ZCCHC7: variants seen among roughly 807,000 people sequenced by gnomAD.
ZCCHC7 encodes zinc finger CCHC-type containing 7, also known as zinc finger CCHC domain-containing protein 7.
ZCCHC7 carries 35 observed loss-of-function variants against 52.0 expected under a neutral mutation model. The ratio of observed to expected loss-of-function variants is 0.67; its 90% CI spans 0.51 to 0.89. ZCCHC7 has a LOEUF of 0.89. Ranked by LOEUF, ZCCHC7 falls within the 40% of genes least tolerant of loss-of-function variation. The probability of loss-of-function intolerance (pLI) is 0.00; values close to 1 mark genes in which losing one functional copy is unlikely to be tolerated. For missense variants in ZCCHC7, 574 were observed against 649.1 expected (o/e 0.88, Z 1.26); for synonymous variants, 217 against 221.5 (o/e 0.98, Z 0.18).
chr9:37,177,591 G>C (rs1255912473), intron 2 of ZCCHC7, among the ~76,000 whole-genome samples: 2 of 152,128 alleles, frequency 1.3e-5, no homozygotes, highest in Admixed American at 6.5e-5. Flanking sequence ...GTTCAGAAAG[G>C]GGTAAATGCA....
At chr9:37,226,620 C>T (rs1474963003) in intron 2 of ZCCHC7, among the ~76,000 whole-genome samples, 1 of 152,072 alleles carries the variant, frequency 6.6e-6, no homozygotes, top group African/African-American at 2.4e-5. Context: ...GGTGCTGGAC[C>T]AGTCTATAGC....
intron 2 of ZCCHC7, among the ~76,000 whole-genome samples, chr9:37,148,625 T>C (rs1032532288): frequency 2.6e-5 from 4 of 151,982 alleles, no homozygotes; most frequent in Non-Finnish European, 4.4e-5. Flanking sequence ...AACTCATAGA[T>C]GAAAGACATT....
intron 2 of ZCCHC7, among the ~76,000 whole-genome samples, chr9:37,165,987 C>T (rs1381464869): frequency 2.6e-5 from 4 of 152,168 alleles, no homozygotes; most frequent in Non-Finnish European, 5.9e-5. Flanking sequence ...GCTAATCAGG[C>T]TATCAGTTTC....
At chr9:37,176,869 A>T (rs1822061620) in intron 2 of ZCCHC7, among the ~76,000 whole-genome samples, 1 of 152,176 alleles carries the variant, frequency 6.6e-6, no homozygotes, top group African/African-American at 2.4e-5. Flanking sequence ...TGTAAATGGG[A>T]AGACAGACCA....
At chr9:37,262,007 A>T (rs1269834716) in intron 2 of ZCCHC7, among the ~76,000 whole-genome samples, 2 of 152,180 alleles carry the variant, frequency 1.3e-5, no homozygotes, top group Non-Finnish European at 2.9e-5. Context: ...GGAAGAAATT[A>T]TGTCAGTCTA....
intron 2 of ZCCHC7, among the ~76,000 whole-genome samples, chr9:37,197,865 C>G (rs1823371656): frequency 1.3e-5 from 2 of 152,222 alleles, no homozygotes; most frequent in Admixed American, 6.5e-5. Context: ...ATTGTGGATA[C>G]TTTATCTACT....
At chr9:37,291,114 A>G (rs1377654784) in intron 2 of ZCCHC7, among the ~76,000 whole-genome samples, 1 of 152,220 alleles carries the variant, frequency 6.6e-6, no homozygotes, top group Non-Finnish European at 1.5e-5. Flanking sequence ...TTCATTGAAC[A>G]AGGCTGAGAA....
intron 2 of ZCCHC7, among the ~76,000 whole-genome samples, chr9:37,227,277 A>G (rs1166483537): frequency 6.6e-6 from 1 of 152,218 alleles, no homozygotes; most frequent in Non-Finnish European, 1.5e-5. Flanking sequence ...AATGAGATGA[A>G]CAATCCAAGT....
Position 37,340,416 on chromosome 9 carries a change from A to G in ZCCHC7, c.988-8941A>G, listed in dbSNP as rs562909736. ...ATTTAAATGTCTGCAACCAAAAAAA[A>G]AAAAAGAAATACAAAAGGCCTGCTT... is the stretch of plus-strand genomic sequence containing the variant. On this transcript the variant is annotated intron_variant, in intron 6 of 8. Transcript: ENST00000336755. Among the ~76,000 whole-genome samples the G allele has an allele frequency of 1.2e-4, 18 of 152,216 alleles. No homozygotes were observed. The South Asian group carries it at 3.3e-3, about 28-fold the overall frequency.
intron 1 of ZCCHC7, among the ~76,000 whole-genome samples, chr9:37,122,310 C>G (rs1356792940): frequency 6.6e-6 from 1 of 152,028 alleles, no homozygotes; most frequent in Non-Finnish European, 1.5e-5. Flanking sequence ...ATGGTAATAG[C>G]CTTTGCAGTT....
chr9:37,178,818 T>A (rs1822196663), intron 2 of ZCCHC7, among the ~76,000 whole-genome samples: 1 of 152,238 alleles, frequency 6.6e-6, no homozygotes. Flanking sequence ...AAATGTCAAC[T>A]TGCTAACTCT....
intron 7 of ZCCHC7, among the ~76,000 whole-genome samples, chr9:37,350,458 C>G (rs886859657): frequency 6.6e-5 from 10 of 152,176 alleles, no homozygotes; most frequent in Admixed American, 4.6e-4. Flanking sequence ...ACTTAGTTCT[C>G]CCGTTTTCCC....
At chr9:37,165,974 A>G (rs376037048) in intron 2 of ZCCHC7, among the ~76,000 whole-genome samples, 3 of 152,358 alleles carry the variant, frequency 2.0e-5, no homozygotes, top group Admixed American at 6.5e-5. Context: ...TTAAATAGAC[A>G]TAGCTAATCA....
At position 37,281,490 on chromosome 9, in the gene ZCCHC7, A is replaced by C. The variant is rs78054765; in HGVS notation, c.611-20698A>C. On this transcript the variant is annotated intron_variant, in intron 2 of 8. Coordinates refer to ENST00000336755, the MANE Select transcript of ZCCHC7 (RefSeq NM_032226.3). ...AACTTCTTTAAATATAGCATATATGAGTCTCCACTTCGTATATAGTGTCAA... is the reference window on the plus strand; with the variant it reads ...AACTTCTTTAAATATAGCATATATGCGTCTCCACTTCGTATATAGTGTCAA... Among the ~76,000 whole-genome samples, 666 of 152,360 alleles carry C rather than the reference A, an allele frequency of 4.4e-3. 3 individuals carry two copies. Among genetic ancestry groups the C allele is most frequent in the African/African-American group, 0.015 (637 of 41,582 alleles).
chr9:37,209,155 C>T (rs1393412231), intron 2 of ZCCHC7, among the ~76,000 whole-genome samples: 1 of 152,076 alleles, frequency 6.6e-6, no homozygotes, highest in Non-Finnish European at 1.5e-5. Flanking sequence ...ATTTGCCTGC[C>T]TCAGTCTCCC....
intron 2 of ZCCHC7, among the ~76,000 whole-genome samples, chr9:37,203,240 GGTTT>G (rs1349851560): frequency 1.3e-5 from 2 of 152,052 alleles, no homozygotes; most frequent in African/African-American, 4.8e-5. Flanking sequence ...AAGGCATTTT[GGTTT>G]GTTTAAATGA....
At chr9:37,131,691 G>A (rs978250230) in intron 2 of ZCCHC7, among the ~76,000 whole-genome samples, 1 of 152,110 alleles carries the variant, frequency 6.6e-6, no homozygotes, top group African/African-American at 2.4e-5. Context: ...CATTTGTTTT[G>A]CTCTACTGAC....
At chr9:37,260,559 A>C (rs886836080) in intron 2 of ZCCHC7, among the ~76,000 whole-genome samples, 1 of 152,354 alleles carries the variant, frequency 6.6e-6, no homozygotes, top group Middle Eastern at 3.4e-3. Flanking sequence ...CACAAGTTAC[A>C]TACCTGGTAA....
At chr9:37,135,632 T>G (rs939869648) in intron 2 of ZCCHC7, among the ~76,000 whole-genome samples, 71 of 152,180 alleles carry the variant, frequency 4.7e-4, no homozygotes, top group Non-Finnish European at 7.4e-4. Context: ...TAGGTAAATT[T>G]GTTTATTTAT....
Sources: allele counts gnomAD v4.1 joint callset (sites outside exome capture counted in the v4.1 genomes callset), GRCh38; gene constraint gnomAD v4.1.1; transcripts MANE v1.5; gene names NCBI Gene and HGNC (gene_info 2026-07-23, HGNC 2026-07-21).